The following GALNT13 variants were observed in gnomAD, a reference collection of about 807,000 sequenced individuals.
The protein encoded by GALNT13 is polypeptide N-acetylgalactosaminyltransferase 13.
Under a neutral mutation model 64.2 loss-of-function variants are expected in GALNT13, and 28 were observed. That is an observed-to-expected ratio of 0.44 (90% confidence interval 0.32 to 0.60). GALNT13 has a LOEUF of 0.60. GALNT13 is among the 20% of genes least tolerant of loss of function. GALNT13 has a pLI of 0.05. For synonymous variants in GALNT13, 214 were observed against 224.6 expected (o/e 0.95, Z 0.42); for missense variants, 577 against 669.8 (o/e 0.86, Z 1.53).
intron 3 of GALNT13, among the ~76,000 whole-genome samples, chr2:153,980,376 C>T (rs1056061622): frequency 1.3e-5 from 2 of 151,896 alleles, no homozygotes; most frequent in Non-Finnish European, 2.9e-5. Context: ...AAGGAAGACC[C>T]GTTAGGAGAT....
At chr2:153,436,810 C>G in the GALNT13 span, among the ~76,000 whole-genome samples, 14 of 151,998 alleles carry the variant, frequency 9.2e-5, no homozygotes, top group Admixed American at 3.3e-4. Flanking sequence ...AACGGTTTTT[C>G]ATGTCTCTAT....
the GALNT13 span, chr2:153,478,868 G>T: frequency 2.8e-6 from 1 of 359,912 alleles, no homozygotes; most frequent in Non-Finnish European, 5.1e-6. Flanking sequence ...GGAGGTGCGG[G>T]CCGCGGCGGC....
the GALNT13 span, among the ~76,000 whole-genome samples, chr2:153,619,398 G>C: frequency 2.6e-5 from 4 of 151,966 alleles, no homozygotes; most frequent in African/African-American, 9.7e-5. Flanking sequence ...CTATTATTTT[G>C]CATTGGTTCA....
At chr2:153,303,093 T>A in the GALNT13 span, among the ~76,000 whole-genome samples, 1 of 152,232 alleles carries the variant, frequency 6.6e-6, no homozygotes, top group African/African-American at 2.4e-5. Flanking sequence ...ATTGGAATTT[T>A]GATAAGGATT....
the GALNT13 span, among the ~76,000 whole-genome samples, chr2:153,300,227 T>A: frequency 6.6e-6 from 1 of 152,212 alleles, no homozygotes; most frequent in Admixed American, 6.5e-5. Context: ...AGAATTAACA[T>A]GGGTAGGTTC....
the GALNT13 span, among the ~76,000 whole-genome samples, chr2:153,509,630 A>G: frequency 8.5e-5 from 13 of 152,346 alleles, no homozygotes; most frequent in East Asian, 2.5e-3. Flanking sequence ...TATAGATAGG[A>G]GGTGTCAAAT....
the GALNT13 span, among the ~76,000 whole-genome samples, chr2:153,456,863 A>G: frequency 6.6e-6 from 1 of 152,216 alleles, no homozygotes; most frequent in African/African-American, 2.4e-5. Context: ...TGGATTACAC[A>G]TGCGGATGAA....
chr2:153,598,255 C>G, the GALNT13 span, among the ~76,000 whole-genome samples: 1 of 152,106 alleles, frequency 6.6e-6, no homozygotes, highest in East Asian at 1.9e-4. Context: ...TCCTACTATT[C>G]TCCTTCTGGA....
chr2:154,099,678 C>G (rs1702249476), intron 3 of GALNT13, among the ~76,000 whole-genome samples: 1 of 152,046 alleles, frequency 6.6e-6, no homozygotes, highest in African/African-American at 2.4e-5. Context: ...AGGCTCATAC[C>G]TGTAATACCA....
the GALNT13 span, among the ~76,000 whole-genome samples, chr2:153,639,900 T>C: frequency 6.6e-6 from 1 of 152,126 alleles, no homozygotes; most frequent in Non-Finnish European, 1.5e-5. Flanking sequence ...ACTAGAGTCT[T>C]CATGGTAAGG....
chr2:153,335,905 C>T, the GALNT13 span, among the ~76,000 whole-genome samples: 6 of 152,184 alleles, frequency 3.9e-5, no homozygotes, highest in South Asian at 2.1e-4. Context: ...GTGCTGTATG[C>T]AGCCTAGGGA....
At chr2:153,534,435 C>G in the GALNT13 span, among the ~76,000 whole-genome samples, 1 of 151,546 alleles carries the variant, frequency 6.6e-6, no homozygotes, top group East Asian at 1.9e-4. Flanking sequence ...AACAGGACGG[C>G]TAGAGTGAGC....
the GALNT13 span, among the ~76,000 whole-genome samples, chr2:153,265,167 TG>T: frequency 1.3e-5 from 2 of 152,148 alleles, no homozygotes; most frequent in Non-Finnish European, 2.9e-5. Context: ...AGCACTCCCT[TG>T]GCAACCCCAG....
the GALNT13 span, among the ~76,000 whole-genome samples, chr2:153,083,075 C>T: frequency 6.6e-6 from 1 of 151,998 alleles, no homozygotes; most frequent in Admixed American, 6.6e-5. Context: ...GATCTGCCCA[C>T]CTTGACCTCC....
chr2:153,148,125 T>G, the GALNT13 span, among the ~76,000 whole-genome samples: 15 of 152,044 alleles, frequency 9.9e-5, no homozygotes, highest in African/African-American at 3.6e-4. Flanking sequence ...AAGCCGCTAC[T>G]TCCTTTTAAA....
intron 4 of GALNT13, among the ~76,000 whole-genome samples, chr2:154,215,771 T>C (rs1289779095): frequency 6.6e-6 from 1 of 152,114 alleles, no homozygotes; most frequent in Non-Finnish European, 1.5e-5. Context: ...AATGTTTACT[T>C]AATGAATGCT....
the GALNT13 span, among the ~76,000 whole-genome samples, chr2:153,373,500 T>C: frequency 2.6e-5 from 4 of 152,172 alleles, no homozygotes; most frequent in Non-Finnish European, 4.4e-5. Context: ...AGGATCCCTA[T>C]ATACAATTTT....
At chr2:153,440,114 C>T in the GALNT13 span, among the ~76,000 whole-genome samples, 24 of 152,164 alleles carry the variant, frequency 1.6e-4, no homozygotes, top group African/African-American at 5.3e-4. Context: ...CCCCCACCCC[C>T]AACAGGCCAC....
At chr2:154,311,371 G>A (rs1203836924) in intron 9 of GALNT13, among the ~76,000 whole-genome samples, 2 of 152,040 alleles carry the variant, frequency 1.3e-5, no homozygotes, top group Non-Finnish European at 2.9e-5. Context: ...GTCCAGGGGA[G>A]ATATCACACA....
Sources: allele counts gnomAD v4.1 joint callset (sites outside exome capture counted in the v4.1 genomes callset), GRCh38; gene constraint gnomAD v4.1.1; transcripts MANE v1.5; gene names NCBI Gene and HGNC (gene_info 2026-07-23, HGNC 2026-07-21).